SLF2: variants seen among roughly 807,000 people sequenced by gnomAD.
The protein encoded by SLF2 is SMC5/6 complex localization factor 2.
Under a neutral mutation model 124.3 loss-of-function variants are expected in SLF2, and 68 were observed. The ratio of observed to expected loss-of-function variants is 0.55; its 90% CI spans 0.45 to 0.67. The LOEUF is 0.67. Among genes scored for constraint, SLF2 ranks in the 30% least tolerant of loss-of-function variants. SLF2 has a pLI of 0.00. For synonymous variants in SLF2, 480 were observed against 478.8 expected (o/e 1.00, Z -0.03); for missense variants, 1,246 against 1,373.7 (o/e 0.91, Z 1.47).
In SLF2 at chr10:100,930,994, G is replaced by A. The variant is rs777803481; in HGVS notation, c.2352G>A (p.Gln784=). The part of the protein sequence containing the change: ...KLILKSGKTD[Q]IFLTTQGFLT... ...TTTTCAGATCGGGAAAAACAGATCA[G>A]ATTTTTTTGACAACACAAGGTTTCC... Residue 784 remains glutamine, a synonymous_variant, in exon 9 of 20, where the codon CAG becomes CAA. Transcript: ENST00000238961. The A allele has an allele frequency of 3.5e-5, 57 of 1,613,960 alleles. No homozygotes were observed. Among genetic ancestry groups the A allele is most frequent in the Non-Finnish European group, 4.2e-5 (49 of 1,179,910 alleles).
intron 18 of SLF2, among the ~76,000 whole-genome samples, chr10:100,958,162 T>C (rs1013888073): frequency 6.6e-6 from 1 of 152,238 alleles, no homozygotes; most frequent in African/African-American, 2.4e-5. Flanking sequence ...GCTGATTCTT[T>C]TTGCCTCTTG....
At chr10:100,957,330 ATTTTTTTTTTTTTTTTTT>A (rs71013477) in intron 18 of SLF2, among the ~76,000 whole-genome samples, 47,076 of 92,672 alleles carry the variant, frequency 0.51, 9,770 homozygotes, top group Middle Eastern at 0.65. Context: ...GGAGTCTTCA[ATTTTTTTTTTTTTTTTTT>A]TTTTTTTTTT....
chr10:100,957,517 ATT>A (rs753366819), intron 18 of SLF2, among the ~76,000 whole-genome samples: 8 of 140,578 alleles, frequency 5.7e-5, no homozygotes, highest in Non-Finnish European at 6.2e-5. Flanking sequence ...TGCCCGGCAA[ATT>A]TTTTTTTTTT....
intron 1 of SLF2, chr10:100,913,817 A>C (rs1849367855): frequency 2.0e-6 from 2 of 985,594 alleles, no homozygotes; most frequent in Non-Finnish European, 2.4e-6. Context: ...ATTTTGTGGG[A>C]GCTATGTAAT....
intron 17 of SLF2, among the ~76,000 whole-genome samples, chr10:100,953,089 C>A (rs1850251651): frequency 6.6e-6 from 1 of 151,556 alleles, no homozygotes; most frequent in Non-Finnish European, 1.5e-5. Flanking sequence ...AATCTTGGCT[C>A]ACTGCAACCT....
chr10:100,932,692 AGTGTGTGTGT>A (rs111530755), intron 9 of SLF2, among the ~76,000 whole-genome samples: 317 of 133,628 alleles, frequency 2.4e-3, no homozygotes, highest in African/African-American at 7.5e-3. Context: ...ACAAACAATA[AGTGTGTGTGT>A]GTGTGTGTGT....
intron 10 of SLF2, among the ~76,000 whole-genome samples, chr10:100,937,909 C>T (rs1849897523): frequency 6.6e-6 from 1 of 152,204 alleles, no homozygotes; most frequent in South Asian, 2.1e-4. Context: ...CTCACCCGAC[C>T]TCAAAAGTCT....
intron 11 of SLF2, among the ~76,000 whole-genome samples, chr10:100,941,581 C>A (rs908511469): frequency 3.9e-5 from 6 of 152,168 alleles, no homozygotes; most frequent in African/African-American, 1.4e-4. Context: ...CAGGAACTCG[C>A]TCTCTACTAT....
intron 12 of SLF2, among the ~76,000 whole-genome samples, chr10:100,944,494 C>CAAAAA (rs34072572): frequency 9.9e-6 from 1 of 100,656 alleles, no homozygotes; most frequent in Non-Finnish European, 1.9e-5. Flanking sequence ...GACTCTGTCT[C>CAAAAA]AAAAAAAAAA....
At chr10:100,954,460 A>G (rs1850286956) in intron 17 of SLF2, among the ~76,000 whole-genome samples, 1 of 152,202 alleles carries the variant, frequency 6.6e-6, no homozygotes, top group Non-Finnish European at 1.5e-5. Flanking sequence ...AAAGTTTATA[A>G]ATATTTCAAA....
At position 100,916,618 on chromosome 10, in the gene SLF2, G is replaced by T; in HGVS notation, c.233G>T (p.Gly78Val). Reference protein sequence around the residue: ...SPQKSNIKYGGSRLSITGTEQ... With the variant: ...SPQKSNIKYGVSRLSITGTEQ... The stretch of plus-strand genomic sequence containing the variant: ...CAAAAATCAAACATCAAATATGGAG[G>T]AAGTAGATTGTCTATCACTGGGACA... Residue 78 changes from glycine (G) to valine (V), a missense_variant, in exon 3 of 20, where the codon GGA (glycine) becomes GTA (valine). Transcript: ENST00000238961. 1 of 1,444,152 alleles carries T rather than the reference G, an allele frequency of 6.9e-7. No homozygotes were observed. The highest frequency in any genetic ancestry group is 1.7e-5 in the South Asian group (1 of 58,334). The allele number at this position is 1,444,152 out of a possible 1,614,324, so 89.5% of individuals were successfully genotyped here.
At chr10:100,960,267 C>T (rs1306663031) in intron 19 of SLF2, among the ~76,000 whole-genome samples, 1 of 152,136 alleles carries the variant, frequency 6.6e-6, no homozygotes, top group Non-Finnish European at 1.5e-5. Flanking sequence ...AATATGTGTT[C>T]TCAAATGAAA....
rs775226725 is a variant in SLF2 at position 100,913,187 on chromosome 10, A to C, written c.77A>C (p.His26Pro). 93 of 1,613,064 alleles carry C rather than the reference A, an allele frequency of 5.8e-5. No homozygotes were observed. The highest frequency in any genetic ancestry group is 7.5e-5 in the Non-Finnish European group (89 of 1,179,690). Residue 26 changes from histidine to proline, a missense_variant, in exon 1 of 20, where the codon CAT (histidine) becomes CCT (proline). Transcript: ENST00000238961. Reference sequence around the variant, plus strand: ...CCGGGGTCGTCGCCCCCGCGCTGCCATCTGAGACCCGGTAGTACCGCCCAT... The same window carrying C: ...CCGGGGTCGTCGCCCCCGCGCTGCCCTCTGAGACCCGGTAGTACCGCCCAT... ...PAPGSSPPRC[H>P]LRPGSTAHAA...
chr10:100,954,941 CT>C (rs753768937), intron 17 of SLF2, among the ~76,000 whole-genome samples: 2,021 of 137,022 alleles, frequency 0.015, 48 homozygotes, highest in African/African-American at 0.049. Context: ...GCAAGACTCT[CT>C]TTTTTTTTTT....
At chr10:100,944,319 A>AC (rs1475703864) in intron 12 of SLF2, among the ~76,000 whole-genome samples, 191 bp downstream of exon 12, 1 of 151,682 alleles carries the variant, frequency 6.6e-6, no homozygotes, top group African/African-American at 2.4e-5. Flanking sequence ...CACGGTGAAA[A>AC]CCCGTCTCTA....
Position 100,913,024 on chromosome 10 carries a change from G to C in SLF2, c.-87G>C, listed in dbSNP as rs1849344516. The C allele has an allele frequency of 2.0e-6, 3 of 1,467,126 alleles. No homozygotes were observed. Among genetic ancestry groups the C allele is most frequent in the Non-Finnish European group, 2.8e-6 (3 of 1,072,006 alleles). 90.9% of individuals were successfully genotyped at this position (1,467,126 alleles called of 1,614,324 possible). On this transcript the variant is annotated 5_prime_UTR_variant, in exon 1 of 20. Transcript: ENST00000238961. The stretch of plus-strand genomic sequence containing the variant: ...GGTGCCGCCCACCTCTGCTCCGACA[G>C]CCTCCCGGAGTCCCAGCAGCAAGAC...
rs1039769305 is a variant in SLF2 at position 100,962,684 on chromosome 10, A to T, written c.*772A>T. On this transcript the variant is annotated 3_prime_UTR_variant, in exon 20 of 20. Transcript: ENST00000238961. The stretch of plus-strand genomic sequence containing the variant: ...TTTTAAATACTGGTTAAATCTTAGA[A>T]TCTTGGCTATATCTTAGAATTCTGG... 2.0e-5 allele frequency: 3 copies of T among 152,646 alleles called. No homozygotes were observed. The highest frequency in any genetic ancestry group is 2.0e-4 in the Admixed American group (3 of 15,280). 9.5% of individuals were successfully genotyped at this position (152,646 alleles called of 1,614,324 possible).
At chr10:100,930,740 T>C (rs759875268) in intron 8 of SLF2, among the ~76,000 whole-genome samples, 14 of 152,186 alleles carry the variant, frequency 9.2e-5, no homozygotes, top group Admixed American at 2.6e-4. Context: ...TACCAGCAAA[T>C]GTAGCTTTGT....
chr10:100,959,268 T>C (rs1850385962), intron 18 of SLF2, among the ~76,000 whole-genome samples, 160 bp from the exon 19 acceptor site: 1 of 152,244 alleles, frequency 6.6e-6, no homozygotes, highest in Admixed American at 6.5e-5. Context: ...GAAATCTCCT[T>C]CAAAAGATGA....
Sources: allele counts gnomAD v4.1 joint callset (sites outside exome capture counted in the v4.1 genomes callset), GRCh38; gene constraint gnomAD v4.1.1; transcripts MANE v1.5; gene names NCBI Gene and HGNC (gene_info 2026-07-23, HGNC 2026-07-21).